Variants in PCBP3 observed in about 807,000 individuals in gnomAD.
The protein encoded by PCBP3 is poly(rC) binding protein 3.
In PCBP3, 25 loss-of-function variants were observed where a neutral mutation model predicts 52.7. The ratio of observed to expected loss-of-function variants is 0.47; its 90% CI spans 0.35 to 0.66. The LOEUF (loss-of-function observed/expected upper bound fraction) is 0.66, where lower values mean the gene tolerates loss of function less well. Ranked by LOEUF, PCBP3 falls within the 30% of genes least tolerant of loss-of-function variation. The pLI is 0.01. For missense variants in PCBP3, 391 were observed against 490.3 expected (o/e 0.80, Z 1.91); for synonymous variants, 162 against 183.0 (o/e 0.89, Z 0.93).
At chr21:45,794,051 A>G (rs1015186668) in intron 4 of PCBP3, among the ~76,000 whole-genome samples, 15 of 152,360 alleles carry the variant, frequency 9.8e-5, no homozygotes, top group African/African-American at 3.1e-4. Context: ...AAATTAAAAT[A>G]CTATTTGAAA....
At chr21:45,765,151 T>C (rs572573572) in intron 4 of PCBP3, among the ~76,000 whole-genome samples, 6 of 152,136 alleles carry the variant, frequency 3.9e-5, no homozygotes, top group Admixed American at 2.0e-4. Context: ...TGGTGCCCTT[T>C]AGGGGAAGGT....
chr21:45,814,758 T>G (rs1348277474), intron 4 of PCBP3, among the ~76,000 whole-genome samples: 24 of 78,276 alleles, frequency 3.1e-4, no homozygotes, highest in Non-Finnish European at 4.6e-4. Flanking sequence ...GATGAGTGAG[T>G]GGTGAGTGGT....
chr21:45,852,033 C>T (rs1280032034), intron 5 of PCBP3, among the ~76,000 whole-genome samples: 3 of 152,316 alleles, frequency 2.0e-5, no homozygotes, highest in East Asian at 1.9e-4. Context: ...TTCTGGTGTT[C>T]TGTTAACAAT....
At chr21:45,776,775 C>T (rs954879141) in intron 4 of PCBP3, among the ~76,000 whole-genome samples, 13 of 152,242 alleles carry the variant, frequency 8.5e-5, no homozygotes, top group African/African-American at 1.9e-4. Context: ...GCTAGTTTCT[C>T]GTAAGCAGCA....
At chr21:45,781,971 C>T (rs2090668131) in intron 4 of PCBP3, among the ~76,000 whole-genome samples, 4 of 152,188 alleles carry the variant, frequency 2.6e-5, no homozygotes, top group Admixed American at 2.6e-4. Flanking sequence ...TATTCTTACT[C>T]ATCATAACTC....
chr21:45,929,965 C>A lies in PCBP3; in HGVS notation c.766C>A (p.Pro256Thr), dbSNP rs757932166. ...QLAMQQTPFP[P>T]LGQTNPAFPG... ...GGCCATGCAGCAAACCCCCTTTCCT[C>A]CCCTCGGACAGACCAACCCCGCTTT... The change falls in exon 14 of 18, where the codon CCC becomes ACC. Residue 256 changes from proline to threonine, a missense_variant. Physicochemically the swap from Pro to Thr is conservative, Grantham distance 38 (BLOSUM62 -1). Coordinates refer to ENST00000681687, the MANE Select transcript of PCBP3 (RefSeq NM_001384156.1). 9 of 1,613,860 alleles carry A rather than the reference C, an allele frequency of 5.6e-6. No homozygotes were observed. Among genetic ancestry groups the A allele is most frequent in the Non-Finnish European group, 7.6e-6 (9 of 1,179,882 alleles).
chr21:45,716,196 G>A (rs2084208430), intron 2 of PCBP3, among the ~76,000 whole-genome samples: 1 of 151,954 alleles, frequency 6.6e-6, no homozygotes, highest in Non-Finnish European at 1.5e-5. Context: ...ATATTCAATT[G>A]TCCCAGCACA....
rs548640859 is a variant in PCBP3 at position 45,676,995 on chromosome 21, A to G, written c.-200+8043A>G. Among the ~76,000 whole-genome samples, 4 of 151,946 alleles carry G rather than the reference A, an allele frequency of 2.6e-5. No individual in the cohort carries two copies. The East Asian group carries it at 7.8e-4, about 29-fold the overall frequency. ...GCTATGTTGGCCAAGCTGGTCTCCA[A>G]CTCTTGGCTTCAAGTGATCCACCTG... On this transcript the variant is annotated intron_variant, in intron 2 of 17. Coordinates refer to ENST00000681687, the MANE Select transcript of PCBP3 (RefSeq NM_001384156.1).
intron 16 of PCBP3, among the ~76,000 whole-genome samples, chr21:45,936,365 A>G (rs1252898861): frequency 6.6e-6 from 1 of 152,208 alleles, no homozygotes; most frequent in Non-Finnish European, 1.5e-5. Flanking sequence ...GCCTTCTTCT[A>G]TCCCGGTTGC....
intron 1 of PCBP3, among the ~76,000 whole-genome samples, chr21:45,657,636 T>C (rs2146977254): frequency 6.6e-6 from 1 of 152,094 alleles, no homozygotes; most frequent in South Asian, 2.1e-4. Context: ...GTCCCTTGCA[T>C]TTTCATATGA....
intron 7 of PCBP3, among the ~76,000 whole-genome samples, chr21:45,899,929 C>A (rs1290682548): frequency 1.3e-5 from 2 of 152,152 alleles, no homozygotes. Flanking sequence ...AGAATGATTT[C>A]TCACGCCTTC....
intron 4 of PCBP3, among the ~76,000 whole-genome samples, chr21:45,784,589 TGCCTGCAATTGCAGGCG>T (rs2090953362): frequency 6.6e-6 from 1 of 151,878 alleles, no homozygotes. Context: ...GCCTGCCGAG[TGCCTGCAATTGCAGGCG>T]CGCGCCGCCA....
chr21:45,928,634 T>A lies in PCBP3; in HGVS notation c.718-1283T>A, dbSNP rs1182121275. ...CAAGCATGGGGGTCTGGTCAGGTGC[T>A]CAGCAGCCGGCCTTCTCACGTGCAG... On this transcript the variant is annotated intron_variant, in intron 13 of 17. Coordinates refer to ENST00000681687, the MANE Select transcript of PCBP3 (RefSeq NM_001384156.1). This position sits in a 1 kb window ranked among gnomAD's most constrained non-coding sequence, Gnocchi z 4.1. 6.6e-6 allele frequency among the ~76,000 whole-genome samples: 1 copy of A among 151,972 alleles called. No homozygotes were observed. The highest frequency in any genetic ancestry group is 1.5e-5 in the Non-Finnish European group (1 of 67,972).
chr21:45,687,111 G>T (rs1323155496), intron 2 of PCBP3, among the ~76,000 whole-genome samples: 3 of 152,066 alleles, frequency 2.0e-5, no homozygotes, highest in African/African-American at 7.2e-5. Flanking sequence ...TAAGCACAGA[G>T]GCAGAAATAT....
intron 16 of PCBP3, among the ~76,000 whole-genome samples, chr21:45,936,605 TC>T (rs1701380019): frequency 6.6e-6 from 1 of 152,228 alleles, no homozygotes; most frequent in Admixed American, 6.5e-5. Flanking sequence ...CTGCAGTGGT[TC>T]CTTCAGCATT....
At chr21:45,911,172 G>A in intron 11 of PCBP3, 142 bp downstream of exon 11, 1 of 957,744 alleles carries the variant, frequency 1.0e-6, no homozygotes, top group Non-Finnish European at 1.6e-6. Flanking sequence ...AAGTCAGCCT[G>A]AGCGAGAGCG....
At chr21:45,686,267 G>A (rs2082148045) in intron 2 of PCBP3, among the ~76,000 whole-genome samples, 1 of 152,132 alleles carries the variant, frequency 6.6e-6, no homozygotes, top group Non-Finnish European at 1.5e-5. Context: ...GACAATTAGA[G>A]TTTTGGCCAT....
chr21:45,674,355 G>A (rs566616383), intron 2 of PCBP3, among the ~76,000 whole-genome samples: 5 of 152,174 alleles, frequency 3.3e-5, no homozygotes, highest in Admixed American at 6.5e-5. Context: ...CTATACTTTC[G>A]TTCCGAGATA....
chr21:45,940,001 C>T (rs919822967), intron 16 of PCBP3, 29 bp from the exon 17 acceptor site: 22 of 1,604,682 alleles, frequency 1.4e-5, no homozygotes, highest in Non-Finnish European at 1.8e-5. Context: ...GGGCTGTTCT[C>T]TAAGAAATCC....
Sources: gnomAD v4.1 joint callset for allele counts (sites outside exome capture counted in the v4.1 genomes callset) on GRCh38, gnomAD v4.1.1 for gene constraint, Gnocchi (gnomAD v3.1) non-coding constraint, MANE v1.5 for transcripts, NCBI Gene and HGNC (gene_info 2026-07-23, HGNC 2026-07-21) for gene names.